Variants in SH3PXD2B observed in about 807,000 individuals in gnomAD.
SH3PXD2B encodes the protein SH3 and PX domain-containing protein 2B.
A neutral mutation model predicts 73.1 loss-of-function variants in SH3PXD2B; 37 were observed. That is an observed-to-expected ratio of 0.51 (90% CI 0.39 to 0.67). SH3PXD2B has a LOEUF of 0.67. SH3PXD2B is among the 30% of genes least tolerant of loss of function. SH3PXD2B has a pLI of 0.00. For missense variants in SH3PXD2B, 1,053 were observed against 1,197.8 expected (o/e 0.88, Z 1.78); for synonymous variants, 457 against 480.5 (o/e 0.95, Z 0.64).
intron 10 of SH3PXD2B, among the ~76,000 whole-genome samples, chr5:172,348,677 A>G (rs573760071): frequency 2.9e-3 from 227 of 79,512 alleles, no homozygotes; most frequent in African/African-American, 8.4e-3. Context: ...CTATCTATCT[A>G]TCTATCTATC....
At chr5:172,417,748 C>A (rs909112872) in intron 2 of SH3PXD2B, among the ~76,000 whole-genome samples, 1 of 152,112 alleles carries the variant, frequency 6.6e-6, no homozygotes, top group African/African-American at 2.4e-5. Flanking sequence ...GCTTGGTGCT[C>A]GACAGCCTAG....
chr5:172,345,077 G>A (rs1581263045), intron 12 of SH3PXD2B, among the ~76,000 whole-genome samples: 1 of 148,942 alleles, frequency 6.7e-6, no homozygotes, highest in South Asian at 2.1e-4. Flanking sequence ...GAGGAAGGAA[G>A]GAGGGAGGGA....
intron 1 of SH3PXD2B, among the ~76,000 whole-genome samples, chr5:172,451,225 C>T (rs1463987009): frequency 2.0e-5 from 3 of 152,216 alleles, no homozygotes; most frequent in African/African-American, 4.8e-5. Context: ...GTGACCCTGT[C>T]CCTCACAGGC....
intron 6 of SH3PXD2B, 69 bp downstream of exon 6, chr5:172,373,721 G>A: frequency 4.6e-6 from 7 of 1,513,904 alleles, no homozygotes; most frequent in Non-Finnish European, 5.4e-6. Flanking sequence ...AGAGCCTGGT[G>A]CACAGTTGGT....
intron 6 of SH3PXD2B, among the ~76,000 whole-genome samples, chr5:172,367,189 CG>C (rs1343147765): frequency 1.4e-5 from 2 of 147,110 alleles, no homozygotes; most frequent in Non-Finnish European, 3.0e-5. Flanking sequence ...CCGCCTGCCT[CG>C]GCCTCCCAAA....
chr5:172,338,599 T>G lies in SH3PXD2B; in HGVS notation c.2506A>C (p.Arg836=). 6.2e-7 allele frequency: 1 copy of G among 1,614,102 alleles called. No homozygotes were observed. The highest frequency in any genetic ancestry group is 1.3e-5 in the African/African-American group (1 of 75,064). The part of the protein sequence containing the change: ...PWGTGKIGEN[R]EKAAAASVPN... ...ACAGAGGCTGCAGCTGCTTTCTCCCTGTTTTCTCCAATCTTGCCGGTCCCC... is the reference window on the plus strand; with the variant it reads ...ACAGAGGCTGCAGCTGCTTTCTCCCGGTTTTCTCCAATCTTGCCGGTCCCC... Residue 836 remains arginine (R), a synonymous_variant, in exon 13 of 13, where the codon AGG becomes CGG. Coordinates refer to ENST00000311601, the MANE Select transcript of SH3PXD2B (RefSeq NM_001017995.3). This position sits in a 1 kb window ranked among gnomAD's most constrained non-coding sequence, Gnocchi z 5.1.
At chr5:172,369,597 G>T (rs1171138571) in intron 6 of SH3PXD2B, among the ~76,000 whole-genome samples, 1 of 152,060 alleles carries the variant, frequency 6.6e-6, no homozygotes, top group Admixed American at 6.6e-5. Context: ...ATGAAATCCC[G>T]TCTGTACTAA....
intron 1 of SH3PXD2B, among the ~76,000 whole-genome samples, chr5:172,433,840 T>C (rs1184563986): frequency 6.6e-6 from 1 of 152,180 alleles, no homozygotes; most frequent in Non-Finnish European, 1.5e-5. Flanking sequence ...TGTTGGTTGG[T>C]TGGAATCTCT....
intron 5 of SH3PXD2B, 140 bp downstream of exon 5, chr5:172,381,896 G>A: frequency 1.6e-6 from 1 of 636,424 alleles, no homozygotes; most frequent in Non-Finnish European, 2.8e-6. Context: ...CAACTCTGAA[G>A]GCTAAGTGAA....
chr5:172,434,397 G>C (rs141124409), intron 1 of SH3PXD2B, among the ~76,000 whole-genome samples: 2 of 152,200 alleles, frequency 1.3e-5, no homozygotes, highest in East Asian at 3.9e-4. Flanking sequence ...CATCCTTGCC[G>C]ACCCACTGGC....
chr5:172,446,100 C>T (rs1759652860), intron 1 of SH3PXD2B, among the ~76,000 whole-genome samples: 1 of 152,188 alleles, frequency 6.6e-6, no homozygotes, highest in Non-Finnish European at 1.5e-5. Context: ...AGCTGACCCC[C>T]CCGACAAGGG....
In SH3PXD2B at chr5:172,374,635, C is replaced by T. The variant is rs147465142; in HGVS notation, c.402-820G>A. Among the ~76,000 whole-genome samples, 263 of 152,202 alleles carry T rather than the reference C, an allele frequency of 1.7e-3. 5 individuals carry two copies. The East Asian group carries it at 0.039, about 22-fold the overall frequency. On this transcript the variant is annotated intron_variant, in intron 5 of 12. Transcript: ENST00000311601. Reference sequence around the variant, plus strand: ...AGGTGGAGGTGCAGTGAGCCGAGATCGTGCCACTGCACTCTAGCCTGGGTG... The same window carrying T: ...AGGTGGAGGTGCAGTGAGCCGAGATTGTGCCACTGCACTCTAGCCTGGGTG...
intron 1 of SH3PXD2B, among the ~76,000 whole-genome samples, chr5:172,422,789 C>T (rs1226535512): frequency 6.6e-6 from 1 of 152,216 alleles, no homozygotes; most frequent in Non-Finnish European, 1.5e-5. Context: ...CAGGATTCCT[C>T]ACTACCCGCT....
Position 172,362,865 on chromosome 5 carries a change from A to G in SH3PXD2B, c.432T>C (p.Gly144=), listed in dbSNP as rs1757431144. Residue 144 remains glycine (G), a synonymous_variant, in exon 7 of 13, where the codon GGT becomes GGC. Transcript: ENST00000311601. ...EEHIGKKKSG[G]DQTSVDPMVL... ...CCATGGGGTCCACTGAGGTTTGGTCACCCCCTGTGGATAGGAAACAGACAT... is the reference window on the plus strand; with the variant it reads ...CCATGGGGTCCACTGAGGTTTGGTCGCCCCCTGTGGATAGGAAACAGACAT... The G allele has an allele frequency of 6.2e-6, 10 of 1,613,854 alleles. No individual in the cohort carries two copies. The highest frequency in any genetic ancestry group is 8.5e-6 in the Non-Finnish European group (10 of 1,179,992).
At chr5:172,346,591 GA>G (rs1305449477) in intron 11 of SH3PXD2B, among the ~76,000 whole-genome samples, 3 of 152,122 alleles carry the variant, frequency 2.0e-5, no homozygotes, top group African/African-American at 7.2e-5. Flanking sequence ...ATCTGGGTTG[GA>G]AACACTGATG....
chr5:172,346,008 C>A (rs917347085), intron 12 of SH3PXD2B, 128 bp downstream of exon 12: 23 of 1,427,554 alleles, frequency 1.6e-5, no homozygotes, highest in South Asian at 2.3e-5. Context: ...GGTATGTGAA[C>A]CATAAAGCTG....
rs368325663 is a variant in SH3PXD2B, at chr5:172,350,373, G to A, written c.1002C>T (p.Asp334=). The part of the protein sequence containing the change: ...RFEGRPVPDG[D]AKQRSPKMRQ... ...GCGGGTGTCACTCACTCTGCTTGGC[G>A]TCACCGTCGGGCACCGGGCGGCCTT... The change falls in exon 10 of 13, where the codon GAC becomes GAT. Residue 334 remains aspartate, a synonymous_variant. Transcript: ENST00000311601. The A allele has an allele frequency of 3.2e-5, 51 of 1,613,598 alleles. 1 individual carries two copies. The highest frequency in any genetic ancestry group is 2.3e-4 in the South Asian group (21 of 91,030).
chr5:172,367,229 C>A (rs555015041), intron 6 of SH3PXD2B, among the ~76,000 whole-genome samples: 1 of 151,882 alleles, frequency 6.6e-6, no homozygotes, highest in African/African-American at 2.4e-5. Flanking sequence ...TGAGCCACTG[C>A]GCCCGGCTGC....
At chr5:172,454,222 G>C (rs923628297) in intron 1 of SH3PXD2B, 56 bp downstream of exon 1, 16 of 1,493,826 alleles carry the variant, frequency 1.1e-5, no homozygotes, top group Admixed American at 1.8e-5. Context: ...GGGGGCCCTC[G>C]GTCGCCCCCG....
Sources: allele counts gnomAD v4.1 joint callset (sites outside exome capture counted in the v4.1 genomes callset), GRCh38; gene constraint gnomAD v4.1.1; non-coding constraint Gnocchi (gnomAD v3.1); transcripts MANE v1.5; gene names NCBI Gene and HGNC (gene_info 2026-07-23, HGNC 2026-07-21).